Variants in DIPK1A observed in about 807,000 individuals in gnomAD.
DIPK1A encodes the protein family with sequence similarity 69 member A.
A neutral mutation model predicts 40.8 loss-of-function variants in DIPK1A; 27 were observed. The ratio of observed to expected loss-of-function variants is 0.66; its 90% CI spans 0.49 to 0.91. The LOEUF (loss-of-function observed/expected upper bound fraction) is 0.91, where lower values mean the gene tolerates loss of function less well. Ranked by LOEUF, DIPK1A falls within the 40% of genes least tolerant of loss-of-function variation. DIPK1A has a pLI of 0.00. For missense variants in DIPK1A, 412 were observed against 505.7 expected, an observed-to-expected ratio of 0.81 and a Z score of 1.78; for synonymous variants, 166 against 171.3, an observed-to-expected ratio of 0.97 and a Z score of 0.24.
At chr1:92,931,114 GATTT>G (rs1412989907) in intron 1 of DIPK1A, 7 of 151,980 alleles carry the variant, frequency 4.6e-5, no homozygotes, top group African/African-American at 1.7e-4. Context: ...TAAATTAATA[GATTT>G]ATTATTTAGA....
chr1:92,851,080 A>G lies in DIPK1A; in HGVS notation c.190-125T>C, dbSNP rs1383336033. Reference sequence around the variant, plus strand: ...AAGAACTGAGGCTTTGGACTTAGACAGACCTGGATTTGATCTAAGCTCTGT... The same window carrying G: ...AAGAACTGAGGCTTTGGACTTAGACGGACCTGGATTTGATCTAAGCTCTGT... On this transcript the variant is annotated intron_variant, in intron 2 of 4. Coordinates refer to ENST00000370310, the MANE Select transcript of DIPK1A (RefSeq NM_001006605.5). 14 of 641,104 alleles carry G rather than the reference A, an allele frequency of 2.2e-5. No individual in the cohort carries two copies. The Admixed American group carries it at 3.1e-4, about 14-fold the overall frequency. 39.7% of individuals were successfully genotyped at this position (641,104 alleles called of 1,614,324 possible).
chr1:92,878,681 G>A (rs895473734), intron 1 of DIPK1A, among the ~76,000 whole-genome samples: 3 of 152,236 alleles, frequency 2.0e-5, no homozygotes, highest in South Asian at 4.1e-4. Flanking sequence ...TTAGCCGGGC[G>A]AGGTGGCGGG....
At chr1:92,860,258 AAC>A (rs1255565082) in intron 2 of DIPK1A, among the ~76,000 whole-genome samples, 4 of 152,124 alleles carry the variant, frequency 2.6e-5, no homozygotes, top group East Asian at 3.9e-4. Context: ...GGCTGATGAA[AAC>A]ACAGTTTGCT....
At chr1:92,926,884 T>C (rs886830318) in intron 1 of DIPK1A, among the ~76,000 whole-genome samples, 4 of 152,252 alleles carry the variant, frequency 2.6e-5, no homozygotes, top group African/African-American at 9.6e-5. Flanking sequence ...TTTGTATCTT[T>C]TGTTAAGTGC....
At chr1:92,945,978 G>A (rs535265154) in intron 1 of DIPK1A, among the ~76,000 whole-genome samples, 10 of 152,258 alleles carry the variant, frequency 6.6e-5, no homozygotes, top group Admixed American at 1.3e-4. Context: ...TAATAGAAAC[G>A]TCAAAAAGCA....
At position 92,877,556 on chromosome 1, in the gene DIPK1A, G is replaced by A. The variant is rs115930736; in HGVS notation, c.55-1126C>T. On this transcript the variant is annotated intron_variant, in intron 1 of 4. Transcript: ENST00000370310. The stretch of plus-strand genomic sequence containing the variant: ...ACTCAGGAAATACTGAATTCTATTG[G>A]CCCTATTTGTGGTTTAGATATCTTT... 3.1e-3 allele frequency among the ~76,000 whole-genome samples: 476 copies of A among 152,244 alleles called. 4 individuals carry two copies. Among genetic ancestry groups the A allele is most frequent in the African/African-American group, 0.011 (462 of 41,560 alleles).
At chr1:92,944,735 G>C (rs1378103505) in intron 1 of DIPK1A, among the ~76,000 whole-genome samples, 2 of 152,054 alleles carry the variant, frequency 1.3e-5, no homozygotes, top group African/African-American at 4.8e-5. Flanking sequence ...TGGGTTCACG[G>C]GATTCTTCCA....
rs71230876 is a variant in DIPK1A at position 92,861,321 on chromosome 1, C to CTTTTTT, written c.190-10372_190-10367dup. Among the ~76,000 whole-genome samples the CTTTTTT allele has an allele frequency of 2.6e-3, 217 of 83,538 alleles. 3 individuals are homozygous for CTTTTTT. Among genetic ancestry groups the CTTTTTT allele is most frequent in the Middle Eastern group, 0.012 (1 of 84 alleles). The allele number at this position is 83,538 out of a possible 152,430, so 54.8% of individuals were successfully genotyped here. ...AATAGCTTTTCTATTCTCTCTCTCTCTTTTTTTTTTTTTTTTTTTTTTTGA... is the reference window on the plus strand; with the variant it reads ...AATAGCTTTTCTATTCTCTCTCTCTCTTTTTTTTTTTTTTTTTTTTTTTTTTTTTGA... On this transcript the variant is annotated intron_variant, in intron 2 of 4. Transcript: ENST00000370310.
intron 2 of DIPK1A, among the ~76,000 whole-genome samples, chr1:92,866,854 C>T (rs1647568915): frequency 6.6e-6 from 1 of 152,156 alleles, no homozygotes; most frequent in Non-Finnish European, 1.5e-5. Flanking sequence ...TTAGATTTGC[C>T]CAGCCAGCTC....
chr1:92,856,019 G>A (rs761432055), intron 2 of DIPK1A, among the ~76,000 whole-genome samples: 28 of 152,176 alleles, frequency 1.8e-4, no homozygotes, highest in Non-Finnish European at 3.2e-4. Context: ...CAAGGCTGCA[G>A]TGAAATGTGA....
intron 1 of DIPK1A, among the ~76,000 whole-genome samples, chr1:92,897,381 C>A (rs1441397239): frequency 6.6e-6 from 1 of 152,084 alleles, no homozygotes; most frequent in East Asian, 1.9e-4. Flanking sequence ...TGGAAACCAT[C>A]ATTCTCAGCA....
In DIPK1A at chr1:92,848,946, G is replaced by A. The variant is rs189675065; in HGVS notation, c.298-1587C>T. ...AATTTTCCACTGCTCCAGATGTTTC[G>A]TTGTATTTTCTTCTACCCCAATTAG... On this transcript the variant is annotated intron_variant, in intron 3 of 4. Coordinates refer to ENST00000370310, the MANE Select transcript of DIPK1A (RefSeq NM_001006605.5). Among the ~76,000 whole-genome samples, 283 of 152,196 alleles carry A rather than the reference G, an allele frequency of 1.9e-3. 1 individual carries two copies. Among genetic ancestry groups the A allele is most frequent in the African/African-American group, 6.6e-3 (273 of 41,542 alleles).
At chr1:92,834,634 C>A in intron 4 of DIPK1A, 2 of 1,049,302 alleles carry the variant, frequency 1.9e-6, no homozygotes, top group Non-Finnish European at 2.8e-6. Context: ...CTCTAATTTA[C>A]TGGTAACCCA....
chr1:92,882,353 A>G (rs1264684423), intron 1 of DIPK1A, among the ~76,000 whole-genome samples: 1 of 152,198 alleles, frequency 6.6e-6, no homozygotes. Flanking sequence ...GTGCCATTGC[A>G]CTCCAGCCTG....
chr1:92,908,494 AT>A (rs1436716850), intron 1 of DIPK1A, among the ~76,000 whole-genome samples: 1 of 152,144 alleles, frequency 6.6e-6, no homozygotes, highest in Non-Finnish European at 1.5e-5. Flanking sequence ...TATCCATTGG[AT>A]TTAGTAACAT....
rs1464310284 is a variant in DIPK1A, at chr1:92,863,306, T to G, written c.190-12351A>C. On this transcript the variant is annotated intron_variant, in intron 2 of 4. Coordinates refer to ENST00000370310, the MANE Select transcript of DIPK1A (RefSeq NM_001006605.5). The stretch of plus-strand genomic sequence containing the variant: ...GTCTTTTCTAAGTTGGCTTTAACCC[T>G]TAGTCTCTTTCTTGCTTCACAGGAA... 1.3e-5 allele frequency among the ~76,000 whole-genome samples: 2 copies of G among 152,228 alleles called. 1 individual carries two copies. The highest frequency in any genetic ancestry group is 4.8e-5 in the African/African-American group (2 of 41,460).
chr1:92,930,866 C>A (rs1395972122), intron 1 of DIPK1A: 1 of 152,182 alleles, frequency 6.6e-6, no homozygotes, highest in Non-Finnish European at 1.5e-5. Flanking sequence ...CTCCCCTATA[C>A]CAACTAAGAC....
chr1:92,926,402 C>T (rs761269002), intron 1 of DIPK1A, among the ~76,000 whole-genome samples: 8 of 152,150 alleles, frequency 5.3e-5, no homozygotes, highest in Non-Finnish European at 8.8e-5. Flanking sequence ...TCTTCTAAAA[C>T]TTATTAAGAC....
chr1:92,872,792 C>T (rs1489600191), intron 2 of DIPK1A, among the ~76,000 whole-genome samples: 1 of 152,214 alleles, frequency 6.6e-6, no homozygotes, highest in African/African-American at 2.4e-5. Flanking sequence ...GCTTGGTATT[C>T]ATTGGGGCTT....
Sources: allele counts gnomAD v4.1 joint callset (sites outside exome capture counted in the v4.1 genomes callset), GRCh38; gene constraint gnomAD v4.1.1; transcripts MANE v1.5; gene names NCBI Gene and HGNC (gene_info 2026-07-23, HGNC 2026-07-21).